SCPEP1: variants seen among roughly 807,000 people sequenced by gnomAD.
The protein encoded by SCPEP1 is retinoid-inducible serine carboxypeptidase.
Under a neutral mutation model 63.8 loss-of-function variants are expected in SCPEP1, and 51 were observed. The observed-to-expected ratio is 0.80, with a 90% CI of 0.64 to 1.01. SCPEP1 has a LOEUF of 1.01. SCPEP1 is among the 50% of genes least tolerant of loss of function. The probability of loss-of-function intolerance (pLI) is 0.00; values close to 1 mark genes in which losing one functional copy is unlikely to be tolerated. For missense variants in SCPEP1, 499 were observed against 554.9 expected, an observed-to-expected ratio of 0.90 and a Z score of 1.01; for synonymous variants, 204 against 207.8, an observed-to-expected ratio of 0.98 and a Z score of 0.16.
At chr17:56,982,602 C>A (rs889020799) in intron 2 of SCPEP1, 1 of 152,218 alleles carries the variant, frequency 6.6e-6, no homozygotes, top group Non-Finnish European at 1.5e-5. Context: ...CAAGCTCAGG[C>A]CTGCCGTCAG....
chr17:56,981,619 A>G (rs1035752079), intron 2 of SCPEP1, among the ~76,000 whole-genome samples: 3 of 152,154 alleles, frequency 2.0e-5, no homozygotes, highest in Non-Finnish European at 4.4e-5. Flanking sequence ...GTTCGAGACC[A>G]GGCTGGCCGA....
intron 5 of SCPEP1, 29 bp from the exon 6 acceptor site, chr17:56,991,070 C>T (rs889920009): frequency 8.9e-6 from 14 of 1,576,502 alleles, no homozygotes; most frequent in Non-Finnish European, 1.2e-5. Context: ...TGCACCTGGC[C>T]TGAGGACGTT....
intron 10 of SCPEP1, 24 bp downstream of exon 10, chr17:56,998,522 G>A (rs1299274244): frequency 6.5e-7 from 1 of 1,539,504 alleles, no homozygotes; most frequent in South Asian, 1.1e-5. Context: ...CTAATTAAGT[G>A]CCGTTTGTAC....
rs770479872 is a variant in SCPEP1, at chr17:56,998,378, GT to G, written c.881-3del. ...CTTTGACTCACTATCTACCAGTTTG[GT>G]TTTAGTTTGTCTTTGTCAGCGCCAC... On this transcript the variant is annotated splice_region_variant and splice_polypyrimidine_tract_variant and intron_variant, in intron 9 of 12. Transcript: ENST00000262288. The G allele has an allele frequency of 8.1e-6, 13 of 1,610,474 alleles. No homozygotes were observed.
chr17:56,978,485 T>G (rs1165172727), intron 1 of SCPEP1, among the ~76,000 whole-genome samples: 9 of 151,928 alleles, frequency 5.9e-5, no homozygotes, highest in Admixed American at 5.9e-4. Context: ...ATAGAAGCTG[T>G]GTGCAGAAAT....
chr17:57,002,337 T>C lies in SCPEP1; in HGVS notation c.1296+156T>C, dbSNP rs559597716. Among the ~76,000 whole-genome samples the C allele has an allele frequency of 2.6e-4, 40 of 152,278 alleles. No homozygotes were observed. In the East Asian group the frequency reaches 7.7e-3, roughly 29 times the overall value. Reference sequence around the variant, plus strand: ...GCTCATGCCTGTAATCTCAGCACTTTGGGAGACCAAGGCAGGTGGATTGCT... The same window carrying C: ...GCTCATGCCTGTAATCTCAGCACTTCGGGAGACCAAGGCAGGTGGATTGCT... On this transcript the variant is annotated intron_variant, in intron 12 of 12. Transcript: ENST00000262288.
chr17:56,995,876 T>TA (rs11361283), intron 8 of SCPEP1: 2,390 of 158,048 alleles, frequency 0.015, 29 homozygotes, highest in African/African-American at 0.043. Flanking sequence ...TGGATTCTAT[T>TA]AAAAAAAAAA....
At chr17:56,978,286 G>C in intron 1 of SCPEP1, 51 bp downstream of exon 1, 3 of 1,492,796 alleles carry the variant, frequency 2.0e-6, no homozygotes, top group East Asian at 2.6e-5. Flanking sequence ...TTTTCTCCAG[G>C]CGTGAGAGTT....
In SCPEP1 at chr17:56,994,963, A is replaced by T. The variant is rs1400088197; in HGVS notation, c.620-18A>T. 1 of 1,607,134 alleles carries T rather than the reference A, an allele frequency of 6.2e-7. No individual in the cohort carries two copies. The highest frequency in any genetic ancestry group is 1.1e-5 in the South Asian group (1 of 90,932). On this transcript the variant is annotated intron_variant, in intron 6 of 12. Transcript: ENST00000262288. ...GAGGTATGACATACTTGATTTGTAC[A>T]TATGTGATTTCCTTTAGATTCGGTG... is the stretch of plus-strand genomic sequence containing the variant.
At position 56,987,773 on chromosome 17, in the gene SCPEP1, G is replaced by T. The variant is rs1197038750; in HGVS notation, c.394G>T (p.Ala132Ser). Residue 132 changes from alanine to serine, a missense_variant, in exon 4 of 13, where the codon GCC (alanine) becomes TCC (serine). Transcript: ENST00000262288. Reference protein sequence around the residue: ...FSYVNGSGAYAKDLAMVASDM... With the variant: ...FSYVNGSGAYSKDLAMVASDM... The stretch of plus-strand genomic sequence containing the variant: ...TTATGTGAATGGTAGTGGTGCCTAT[G>T]CCAAGGACCTGGCTATGGTGGCTTC... The T allele has an allele frequency of 6.2e-7, 1 of 1,614,172 alleles. No homozygotes were observed. Among genetic ancestry groups the T allele is most frequent in the Non-Finnish European group, 8.5e-7 (1 of 1,180,024 alleles).
chr17:56,983,283 C>T (rs1911119900), intron 2 of SCPEP1: 1 of 152,272 alleles, frequency 6.6e-6, no homozygotes, highest in Non-Finnish European at 1.5e-5. Flanking sequence ...TGCTGTCTCC[C>T]TGGCATACCA....
intron 3 of SCPEP1, among the ~76,000 whole-genome samples, chr17:56,986,007 C>T (rs1911204795): frequency 6.6e-6 from 1 of 152,010 alleles, no homozygotes; most frequent in African/African-American, 2.4e-5. Flanking sequence ...TCCCACTGTC[C>T]ACCTGCTTAG....
At chr17:57,002,493 A>G (rs1339167833) in intron 12 of SCPEP1, among the ~76,000 whole-genome samples, 1 of 152,210 alleles carries the variant, frequency 6.6e-6, no homozygotes, top group Non-Finnish European at 1.5e-5. Flanking sequence ...AGACGGGTGG[A>G]TCGCTTGAGC....
intron 6 of SCPEP1, among the ~76,000 whole-genome samples, chr17:56,991,832 GTA>G (rs1324889911): frequency 6.6e-6 from 1 of 152,212 alleles, no homozygotes; most frequent in Non-Finnish European, 1.5e-5. Context: ...CCTGTGCATT[GTA>G]GGATATTATC....
At position 56,987,809 on chromosome 17, in the gene SCPEP1, G is replaced by T. The variant is rs149659936; in HGVS notation, c.430G>T (p.Val144Phe). 1 of 1,614,162 alleles carries T rather than the reference G, an allele frequency of 6.2e-7. No individual in the cohort carries two copies. The highest frequency in any genetic ancestry group is 1.3e-5 in the African/African-American group (1 of 75,036). Residue 144 changes from valine to phenylalanine, a missense_variant, in exon 4 of 13, where the codon GTT (valine) becomes TTT (phenylalanine). Coordinates refer to ENST00000262288, the MANE Select transcript of SCPEP1 (RefSeq NM_021626.3). ...DLAMVASDMM[V>F]LLKTFFSCHK... ...GGCTATGGTGGCTTCAGACATGATG[G>T]TTCTCCTGAAGACCTTCTTCAGTTG...
At chr17:56,998,849 G>A (rs1381369786) in intron 10 of SCPEP1, among the ~76,000 whole-genome samples, 1 of 152,130 alleles carries the variant, frequency 6.6e-6, no homozygotes, top group Admixed American at 6.6e-5. Context: ...AACTACTTGG[G>A]AGGCTGAGGT....
chr17:57,006,339 G>A lies in SCPEP1; in HGVS notation c.*104G>A. On this transcript the variant is annotated 3_prime_UTR_variant, in exon 13 of 13. Transcript: ENST00000262288. ...CCATTCTTCCCTGTATCTAACTGGG[G>A]CTGTGATCAAGAAGGTTCTGACCAG... The A allele has an allele frequency of 2.6e-6, 2 of 771,754 alleles. No individual in the cohort carries two copies. Among genetic ancestry groups the A allele is most frequent in the Non-Finnish European group, 4.0e-6 (2 of 500,628 alleles). 47.8% of individuals were successfully genotyped at this position (771,754 alleles called of 1,614,324 possible). A position where few individuals can be genotyped will look rare whatever the true frequency, so the allele number is the denominator to read the frequency against.
intron 9 of SCPEP1, chr17:56,997,843 T>G (rs531079205): frequency 1.3e-5 from 2 of 150,412 alleles, no homozygotes; most frequent in East Asian, 3.9e-4. Context: ...TGCCATTACT[T>G]TTAATGGCAA....
At chr17:56,992,091 G>A (rs188964214) in intron 6 of SCPEP1, among the ~76,000 whole-genome samples, 323 of 152,286 alleles carry the variant, frequency 2.1e-3, no homozygotes, top group Middle Eastern at 0.01. Context: ...TGCAGGGGGT[G>A]GTTACACGGG....
Sources: gnomAD v4.1 joint callset for allele counts (sites outside exome capture counted in the v4.1 genomes callset) on GRCh38, gnomAD v4.1.1 for gene constraint, MANE v1.5 for transcripts, NCBI Gene and HGNC (gene_info 2026-07-23, HGNC 2026-07-21) for gene names.